MOCOS: variants seen among roughly 807,000 people sequenced by gnomAD.
MOCOS encodes molybdenum cofactor sulfurase, also known as human molybdenum cofactor sulfurase.
A neutral mutation model predicts 83.6 loss-of-function variants in MOCOS; 86 were observed. The ratio of observed to expected loss-of-function variants is 1.03; its 90% confidence interval spans 0.86 to 1.23. The LOEUF (loss-of-function observed/expected upper bound fraction) is 1.23. MOCOS is among the 50% of genes most tolerant of loss of function. The probability of loss-of-function intolerance (pLI) is 0.00; values close to 1 mark genes in which losing one functional copy is unlikely to be tolerated. For synonymous variants in MOCOS, 445 were observed against 434.7 expected, an observed-to-expected ratio of 1.02 and a Z score of -0.29; for missense variants, 1,120 against 1,126.9, an observed-to-expected ratio of 0.99 and a Z score of 0.09.
chr18:36,270,009 G>C lies in MOCOS; in HGVS notation c.*1324G>C, dbSNP rs2091694108. ...CTAGGTGAGATTTGAAAGATGAGGT[G>C]TGCTCTGTTCTCAAGGATTGTTGAG... is the stretch of plus-strand genomic sequence containing the variant. On this transcript the variant is annotated 3_prime_UTR_variant, in exon 15 of 15. Transcript: ENST00000261326. The C allele has an allele frequency of 2.6e-5, 4 of 152,228 alleles. No homozygotes were observed. Among genetic ancestry groups the C allele is most frequent in the Admixed American group, 2.6e-4 (4 of 15,282 alleles). The allele number at this position is 152,228 out of a possible 1,614,324, so 9.4% of individuals were successfully genotyped here.
intron 3 of MOCOS, 48 bp from the exon 4 acceptor site, chr18:36,199,635 T>C (rs763591795): frequency 1.2e-6 from 2 of 1,610,844 alleles, no homozygotes; most frequent in Non-Finnish European, 1.7e-6. Context: ...AAACATTCAG[T>C]GCTGGGGCTG....
chr18:36,192,402 G>A (rs117108484), intron 1 of MOCOS, among the ~76,000 whole-genome samples: 1,795 of 152,180 alleles, frequency 0.012, 16 homozygotes, highest in Non-Finnish European at 0.019. Flanking sequence ...ATCAAAAGAA[G>A]TATCACATAC....
intron 9 of MOCOS, among the ~76,000 whole-genome samples, chr18:36,238,082 C>A (rs1325334695): frequency 7.1e-6 from 1 of 141,808 alleles, no homozygotes; most frequent in South Asian, 2.2e-4. Context: ...TTCAAAAAAC[C>A]AGCTCCTGGA....
At chr18:36,227,427 G>A (rs190257167) in intron 9 of MOCOS, among the ~76,000 whole-genome samples, 2,357 of 149,648 alleles carry the variant, frequency 0.016, 76 homozygotes, top group African/African-American at 0.055. Flanking sequence ...ATGGGGTCTC[G>A]CTCTGTCACC....
chr18:36,225,596 T>C (rs1300366352), intron 9 of MOCOS, among the ~76,000 whole-genome samples: 1 of 152,180 alleles, frequency 6.6e-6, no homozygotes, highest in East Asian at 1.9e-4. Context: ...TAAATTTGGG[T>C]TTACTTTGTT....
intron 9 of MOCOS, among the ~76,000 whole-genome samples, chr18:36,242,046 C>G (rs929385298): frequency 2.6e-5 from 4 of 152,232 alleles, no homozygotes; most frequent in East Asian, 1.9e-4. Flanking sequence ...CTGACATGCC[C>G]TGGAGACAGT....
chr18:36,196,251 T>C (rs1290091090), intron 2 of MOCOS, among the ~76,000 whole-genome samples: 1 of 152,180 alleles, frequency 6.6e-6, no homozygotes, highest in Non-Finnish European at 1.5e-5. Flanking sequence ...GCAGTAGCAA[T>C]TGTAATATTT....
intron 9 of MOCOS, among the ~76,000 whole-genome samples, chr18:36,234,417 G>A (rs1394354794): frequency 6.6e-6 from 1 of 152,198 alleles, no homozygotes; most frequent in Non-Finnish European, 1.5e-5. Flanking sequence ...GTGCCATGCT[G>A]TTTTGGTAAC....
chr18:36,221,808 C>A (rs540465892), intron 9 of MOCOS, among the ~76,000 whole-genome samples: 1 of 150,514 alleles, frequency 6.6e-6, no homozygotes, highest in South Asian at 2.1e-4. Flanking sequence ...CTCACTGCAA[C>A]CTCTGCCTCC....
chr18:36,190,438 A>C (rs750663591), intron 1 of MOCOS, among the ~76,000 whole-genome samples: 8 of 152,162 alleles, frequency 5.3e-5, no homozygotes, highest in Non-Finnish European at 8.8e-5. Flanking sequence ...GCGTTCTCAC[A>C]AGATCCGGTT....
chr18:36,264,209 G>T (rs2091673757), intron 13 of MOCOS, among the ~76,000 whole-genome samples: 1 of 152,174 alleles, frequency 6.6e-6, no homozygotes, highest in African/African-American at 2.4e-5. Context: ...AAAGAAAATA[G>T]TGTCCAGAAA....
At chr18:36,248,277 C>G (rs953166394) in intron 9 of MOCOS, among the ~76,000 whole-genome samples, 2 of 152,018 alleles carry the variant, frequency 1.3e-5, no homozygotes, top group African/African-American at 2.4e-5. Context: ...ATTATTTGCT[C>G]ATTTAAAAAA....
In MOCOS at chr18:36,215,822, G is replaced by C; in HGVS notation, c.1642G>C (p.Val548Leu). The C allele has an allele frequency of 6.2e-7, 1 of 1,614,248 alleles. No individual in the cohort carries two copies. The highest frequency in any genetic ancestry group is 1.3e-5 in the African/African-American group (1 of 75,064). Reference sequence around the variant, plus strand: ...CAGGGTTTGGAACAACTCGTCTACTGTGAATGCTGTGCCTGTGGCCCCACC... The same window carrying C: ...CAGGGTTTGGAACAACTCGTCTACTCTGAATGCTGTGCCTGTGGCCCCACC... ...GSRVWNNSST[V>L]NAVPVAPPVC... Residue 548 changes from valine to leucine, a missense_variant, in exon 8 of 15, where the codon GTG becomes CTG. Val to Leu is a conservative substitution (Grantham distance 32). Transcript: ENST00000261326.
chr18:36,252,351 T>C (rs1448164800), intron 11 of MOCOS, among the ~76,000 whole-genome samples: 1 of 152,134 alleles, frequency 6.6e-6, no homozygotes, highest in African/African-American at 2.4e-5. Context: ...CAAGACTCTA[T>C]ATCTGCAAAA....
chr18:36,247,910 G>A (rs2091608330), intron 9 of MOCOS, among the ~76,000 whole-genome samples: 1 of 152,178 alleles, frequency 6.6e-6, no homozygotes, highest in Admixed American at 6.5e-5. Context: ...CATTAGTCCT[G>A]TCTCCTATCC....
At chr18:36,229,531 G>T (rs1292331264) in intron 9 of MOCOS, among the ~76,000 whole-genome samples, 4 of 152,146 alleles carry the variant, frequency 2.6e-5, no homozygotes, top group East Asian at 1.9e-4. Context: ...GAATTTGGAT[G>T]TCCATTTTCT....
intron 8 of MOCOS, among the ~76,000 whole-genome samples, chr18:36,219,191 T>TA (rs2091486261): frequency 6.7e-6 from 1 of 149,960 alleles, no homozygotes; most frequent in Admixed American, 6.7e-5. Context: ...TTATTTTATT[T>TA]TATTTTTTTT....
intron 9 of MOCOS, among the ~76,000 whole-genome samples, chr18:36,245,184 T>C (rs1033150846): frequency 4.0e-5 from 6 of 151,750 alleles, no homozygotes; most frequent in African/African-American, 1.5e-4. Flanking sequence ...GTTGCCTGAA[T>C]ACCTTTTTTT....
chr18:36,254,665 T>C (rs546196), intron 11 of MOCOS, among the ~76,000 whole-genome samples: 2 of 151,936 alleles, frequency 1.3e-5, no homozygotes, highest in Non-Finnish European at 2.9e-5. Flanking sequence ...TTTATTTCTT[T>C]CCTTTTCCTT....
Sources: gnomAD v4.1 joint callset for allele counts (sites outside exome capture counted in the v4.1 genomes callset) on GRCh38, gnomAD v4.1.1 for gene constraint, MANE v1.5 for transcripts, NCBI Gene and HGNC (gene_info 2026-07-23, HGNC 2026-07-21) for gene names.